The following PIGX variants were observed in gnomAD, a reference collection of about 807,000 sequenced individuals.
The protein encoded by PIGX is GPI alpha-1,4-mannosyltransferase I, stabilizing subunit.
A neutral mutation model predicts 28.7 loss-of-function variants in PIGX; 24 were observed. The observed-to-expected ratio is 0.84, with a 90% CI of 0.60 to 1.17. The LOEUF (loss-of-function observed/expected upper bound fraction) is 1.17. Ranked by LOEUF, PIGX falls within the 50% of genes most tolerant of loss-of-function variation. The pLI, the probability that PIGX is intolerant of heterozygous loss-of-function variation, is 0.00. For missense variants in PIGX, 305 were observed against 317.8 expected (o/e 0.96, Z 0.31); for synonymous variants, 127 against 121.0 (o/e 1.05, Z -0.33).
rs1315160048 is a variant in PIGX at position 196,735,555 on chromosome 3, TA to T, written c.*1656del. On this transcript the variant is annotated 3_prime_UTR_variant, in exon 6 of 6. Coordinates refer to ENST00000392391, the MANE Select transcript of PIGX (RefSeq NM_017861.4). ...TCTTTTTAAACGTGTATTTGAGACTTAAATATTGGAAAAGGTAACCCAGTGC... is the reference window on the plus strand; with the variant it reads ...TCTTTTTAAACGTGTATTTGAGACTTAATATTGGAAAAGGTAACCCAGTGC... 6.6e-6 allele frequency: 1 copy of T among 152,124 alleles called. No homozygotes were observed. The highest frequency in any genetic ancestry group is 1.5e-5 in the Non-Finnish European group (1 of 68,018). 9.4% of individuals were successfully genotyped at this position (152,124 alleles called of 1,614,324 possible). A position where few individuals can be genotyped will look rare whatever the true frequency, so the allele number is the denominator to read the frequency against.
chr3:196,726,351 A>G (rs904331816), intron 3 of PIGX, among the ~76,000 whole-genome samples: 21 of 152,100 alleles, frequency 1.4e-4, no homozygotes, highest in Admixed American at 3.9e-4. Context: ...CTATTATCCC[A>G]GCTCTTTGGG....
intron 2 of PIGX, among the ~76,000 whole-genome samples, chr3:196,718,221 A>G (rs7632103): frequency 0.4 from 61,041 of 151,736 alleles, 12,442 homozygotes; most frequent in East Asian, 0.56. Context: ...GAGGCAGTAG[A>G]ATCGCTTGAA....
chr3:196,730,940 C>T, intron 4 of PIGX, 52 bp from the exon 5 acceptor site: 1 of 1,060,676 alleles, frequency 9.4e-7, no homozygotes, highest in Non-Finnish European at 1.5e-6. Flanking sequence ...ACAAGCCTAG[C>T]TTTCAGTCCA....
intron 1 of PIGX, chr3:196,712,968 A>G (rs1286123556): frequency 1.0e-6 from 1 of 1,000,872 alleles, no homozygotes; most frequent in Non-Finnish European, 1.2e-6. Context: ...TCTGATCACC[A>G]AGGGGCCAGG....
At chr3:196,718,258 C>T (rs1035837666) in intron 2 of PIGX, among the ~76,000 whole-genome samples, 8 of 151,524 alleles carry the variant, frequency 5.3e-5, no homozygotes, top group Non-Finnish European at 8.8e-5. Flanking sequence ...TGCAGTGAGC[C>T]GAGATTATGC....
At chr3:196,714,544 C>T (rs546986404) in intron 1 of PIGX, among the ~76,000 whole-genome samples, 23 of 151,656 alleles carry the variant, frequency 1.5e-4, no homozygotes, top group African/African-American at 5.6e-4. Flanking sequence ...TTATTGCAAC[C>T]TTCACCTCCC....
Position 196,735,300 on chromosome 3 carries a change from A to G in PIGX, c.*1398A>G. 1 of 88,258 alleles carries G rather than the reference A, an allele frequency of 1.1e-5. No individual in the cohort carries two copies. Among genetic ancestry groups the G allele is most frequent in the Non-Finnish European group, 2.4e-5 (1 of 41,458 alleles). 5.5% of individuals were successfully genotyped at this position (88,258 alleles called of 1,614,324 possible). A position where few individuals can be genotyped will look rare whatever the true frequency, so the allele number is the denominator to read the frequency against. On this transcript the variant is annotated 3_prime_UTR_variant, in exon 6 of 6. Coordinates refer to ENST00000392391, the MANE Select transcript of PIGX (RefSeq NM_017861.4). ...ACAGAGTGAGACTCTGTCTCAAAAA[A>G]AAAAAAAAAAAAAAAAAAAAAAAAG...
chr3:196,721,957 A>T lies in PIGX; in HGVS notation c.177-458A>T, dbSNP rs925172721. On this transcript the variant is annotated intron_variant, in intron 2 of 5. Coordinates refer to ENST00000392391, the MANE Select transcript of PIGX (RefSeq NM_017861.4). ...GGTAGAGACTAGGTCTCACTGTGTT[A>T]CCCAGGCTGGTCTCGAATTCCTGAG... Among the ~76,000 whole-genome samples, 34 of 152,092 alleles carry T rather than the reference A, an allele frequency of 2.2e-4. 1 individual carries two copies. The highest frequency in any genetic ancestry group is 1.1e-3 in the Admixed American group (17 of 15,278).
At chr3:196,730,214 T>A (rs1470682000) in intron 4 of PIGX, among the ~76,000 whole-genome samples, 1 of 152,170 alleles carries the variant, frequency 6.6e-6, no homozygotes, top group Non-Finnish European at 1.5e-5. Flanking sequence ...AACCTTGTTT[T>A]CTGTTTCTAT....
chr3:196,729,174 A>T (rs1032057482), intron 4 of PIGX, among the ~76,000 whole-genome samples: 13 of 151,960 alleles, frequency 8.6e-5, no homozygotes, highest in African/African-American at 3.1e-4. Context: ...TCTACTAAAA[A>T]TACAAAAAAT....
rs1419914795 is a variant in PIGX, at chr3:196,735,317, AAAAAAAAGT to A, written c.*1419_*1427del. The A allele has an allele frequency of 1.5e-4, 23 of 149,792 alleles. No individual in the cohort carries two copies. Among genetic ancestry groups the A allele is most frequent in the Non-Finnish European group, 2.8e-4 (19 of 67,730 alleles). The allele number at this position is 149,792 out of a possible 1,614,324, so 9.3% of individuals were successfully genotyped here. A position where few individuals can be genotyped will look rare whatever the true frequency, so the allele number is the denominator to read the frequency against. On this transcript the variant is annotated 3_prime_UTR_variant, in exon 6 of 6. Transcript: ENST00000392391. Reference sequence around the variant, plus strand: ...CTCAAAAAAAAAAAAAAAAAAAAAAAAAAAAAAGTAAATAAAACCTTAGGGCAAGCATGT... The same window carrying A: ...CTCAAAAAAAAAAAAAAAAAAAAAAAAAATAAAACCTTAGGGCAAGCATGT...
At chr3:196,718,273 G>A (rs920021112) in intron 2 of PIGX, among the ~76,000 whole-genome samples, 2 of 151,756 alleles carry the variant, frequency 1.3e-5, no homozygotes, top group East Asian at 1.9e-4. Flanking sequence ...TTATGCCACC[G>A]CACTTCAGCC....
intron 3 of PIGX, 72 bp downstream of exon 3, chr3:196,722,628 A>G: frequency 2.3e-6 from 3 of 1,293,266 alleles, no homozygotes; most frequent in Non-Finnish European, 2.2e-6. Flanking sequence ...AAGGAAAAAT[A>G]GTAGGTTTTC....
chr3:196,713,532 C>T (rs1711934167), intron 1 of PIGX, among the ~76,000 whole-genome samples: 1 of 152,004 alleles, frequency 6.6e-6, no homozygotes, highest in Non-Finnish European at 1.5e-5. Flanking sequence ...GTCTTGAACT[C>T]CTGACCTCAG....
At position 196,735,198 on chromosome 3, in the gene PIGX, G is replaced by A. The variant is rs974048566; in HGVS notation, c.*1296G>A. On this transcript the variant is annotated 3_prime_UTR_variant, in exon 6 of 6. Coordinates refer to ENST00000392391, the MANE Select transcript of PIGX (RefSeq NM_017861.4). ...TAGTCCCAGCTACTCGGGAGGCTGAGGCAGGAGAATGGCATGAACCCGGAA... is the reference window on the plus strand; with the variant it reads ...TAGTCCCAGCTACTCGGGAGGCTGAAGCAGGAGAATGGCATGAACCCGGAA... The A allele has an allele frequency of 6.8e-6, 1 of 147,018 alleles. No individual in the cohort carries two copies. Among genetic ancestry groups the A allele is most frequent in the Non-Finnish European group, 1.5e-5 (1 of 67,384 alleles). 9.1% of individuals were successfully genotyped at this position (147,018 alleles called of 1,614,324 possible). A position where few individuals can be genotyped will look rare whatever the true frequency, so the allele number is the denominator to read the frequency against.
At chr3:196,717,067 G>A (rs1204570151) in intron 2 of PIGX, 146 bp downstream of exon 2, 19 of 546,104 alleles carry the variant, frequency 3.5e-5, no homozygotes, top group Non-Finnish European at 5.6e-5. Context: ...TTGGGAGGCC[G>A]AGGCAGGCGG....
At chr3:196,713,714 G>C (rs1221865405) in intron 1 of PIGX, among the ~76,000 whole-genome samples, 1 of 151,804 alleles carries the variant, frequency 6.6e-6, no homozygotes, top group Admixed American at 6.6e-5. Context: ...GCGTGCCCCT[G>C]TAGTCCCAGC....
rs567298489 is a variant in PIGX at position 196,735,554 on chromosome 3, T to C, written c.*1652T>C. On this transcript the variant is annotated 3_prime_UTR_variant, in exon 6 of 6. Coordinates refer to ENST00000392391, the MANE Select transcript of PIGX (RefSeq NM_017861.4). ...TTCTTTTTAAACGTGTATTTGAGAC[T>C]TAAATATTGGAAAAGGTAACCCAGT... 9.2e-5 allele frequency: 14 copies of C among 152,260 alleles called. No individual in the cohort carries two copies. Among genetic ancestry groups the C allele is most frequent in the African/African-American group, 3.4e-4 (14 of 41,548 alleles). The allele number at this position is 152,260 out of a possible 1,614,324, so 9.4% of individuals were successfully genotyped here. A position where few individuals can be genotyped will look rare whatever the true frequency, so the allele number is the denominator to read the frequency against.
intron 5 of PIGX, among the ~76,000 whole-genome samples, chr3:196,732,706 T>C (rs986374133): frequency 6.6e-6 from 1 of 152,220 alleles, no homozygotes; most frequent in African/African-American, 2.4e-5. Flanking sequence ...TAGCACTTTG[T>C]TGCAGATTGG....
Sources: gnomAD v4.1 joint callset for allele counts (sites outside exome capture counted in the v4.1 genomes callset) on GRCh38, gnomAD v4.1.1 for gene constraint, MANE v1.5 for transcripts, NCBI Gene and HGNC (gene_info 2026-07-23, HGNC 2026-07-21) for gene names.